AGMO: variants seen among roughly 807,000 people sequenced by gnomAD.
AGMO encodes the protein alkylglycerol monooxygenase.
In AGMO, 75 loss-of-function variants were observed where a neutral mutation model predicts 60.2. That is an observed-to-expected ratio of 1.25 (90% CI 1.03 to 1.51). AGMO has a LOEUF of 1.51. AGMO is among the 40% of genes most tolerant of loss of function. The probability of loss-of-function intolerance (pLI) is 0.00; values close to 1 mark genes in which losing one functional copy is unlikely to be tolerated. For missense variants in AGMO, 763 were observed against 525.5 expected (o/e 1.45, Z -4.42); for synonymous variants, 261 against 177.1 (o/e 1.47, Z -3.76).
At chr7:15,122,855 C>A in the AGMO span, among the ~76,000 whole-genome samples, 1 of 152,070 alleles carries the variant, frequency 6.6e-6, no homozygotes, top group Non-Finnish European at 1.5e-5. Context: ...TCTGCTTTAA[C>A]AGAGTGGCCA....
At chr7:15,547,680 C>T (rs1306013639) in intron 2 of AGMO, among the ~76,000 whole-genome samples, 1 of 152,062 alleles carries the variant, frequency 6.6e-6, no homozygotes, top group Non-Finnish European at 1.5e-5. Context: ...CACGGAGTCT[C>T]GCTGATTGCT....
intron 12 of AGMO, among the ~76,000 whole-genome samples, chr7:15,255,337 G>A (rs1295516714): frequency 6.6e-6 from 1 of 152,142 alleles, no homozygotes. Flanking sequence ...TTCTGCACAT[G>A]TACCCCAGAA....
At chr7:15,427,155 G>C (rs1376548831) in intron 4 of AGMO, among the ~76,000 whole-genome samples, 1 of 152,074 alleles carries the variant, frequency 6.6e-6, no homozygotes, top group African/African-American at 2.4e-5. Flanking sequence ...TAATACTCTA[G>C]GATTCCCAGG....
intron 4 of AGMO, among the ~76,000 whole-genome samples, chr7:15,425,354 C>T (rs1463039036): frequency 6.6e-6 from 1 of 151,504 alleles, no homozygotes; most frequent in Non-Finnish European, 1.5e-5. Flanking sequence ...TACATATTCT[C>T]CATATGATAA....
intron 12 of AGMO, among the ~76,000 whole-genome samples, chr7:15,211,170 G>A (rs1276660919): frequency 6.6e-6 from 1 of 151,878 alleles, no homozygotes; most frequent in African/African-American, 2.4e-5. Flanking sequence ...TTATAAAATG[G>A]GAGTATTAGC....
intron 12 of AGMO, among the ~76,000 whole-genome samples, chr7:15,279,104 G>A (rs1285130812): frequency 6.6e-6 from 1 of 152,176 alleles, no homozygotes; most frequent in Admixed American, 6.5e-5. Context: ...CAATGCCTGT[G>A]TACAGTCTTC....
chr7:15,365,203 A>G (rs1348823883), intron 12 of AGMO, among the ~76,000 whole-genome samples: 2 of 151,770 alleles, frequency 1.3e-5, no homozygotes, highest in Admixed American at 6.6e-5. Flanking sequence ...TGTAAAATCA[A>G]TTCTTCCACT....
the AGMO span, among the ~76,000 whole-genome samples, chr7:15,125,687 T>C: frequency 6.6e-6 from 1 of 152,008 alleles, no homozygotes; most frequent in African/African-American, 2.4e-5. Context: ...AGCCAATCGA[T>C]TGGTCCTTAA....
At chr7:15,442,449 T>G (rs1388653830) in intron 3 of AGMO, among the ~76,000 whole-genome samples, 5 of 152,182 alleles carry the variant, frequency 3.3e-5, no homozygotes. Context: ...GAAGGTTTTA[T>G]GTAGGAACAT....
chr7:15,507,980 T>C (rs1437914215), intron 3 of AGMO, among the ~76,000 whole-genome samples: 1 of 152,012 alleles, frequency 6.6e-6, no homozygotes, highest in Non-Finnish European at 1.5e-5. Flanking sequence ...TTTGTCATTG[T>C]TAAAAATGTA....
chr7:15,404,402 A>G (rs1784630603), intron 5 of AGMO, among the ~76,000 whole-genome samples: 1 of 151,928 alleles, frequency 6.6e-6, no homozygotes, highest in African/African-American at 2.4e-5. Context: ...TCTACTTGGA[A>G]AAATGAACAC....
Position 15,549,316 on chromosome 7 carries a change from A to C in AGMO, c.258-4393T>G, listed in dbSNP as rs1275994739. ...GACAGGATCAAATTCACACATAACA[A>C]TATTAACTTTAAATGTAAATGGACT... On this transcript the variant is annotated intron_variant, in intron 2 of 12. Coordinates refer to ENST00000342526, the MANE Select transcript of AGMO (RefSeq NM_001004320.2). Among the ~76,000 whole-genome samples the C allele has an allele frequency of 2.0e-3, 304 of 151,206 alleles. 2 individuals are homozygous for C. The highest frequency in any genetic ancestry group is 7.0e-3 in the African/African-American group (286 of 41,036).
At chr7:15,260,524 C>T (rs943281362) in intron 12 of AGMO, among the ~76,000 whole-genome samples, 3 of 152,088 alleles carry the variant, frequency 2.0e-5, no homozygotes, top group African/African-American at 7.2e-5. Flanking sequence ...AAAACCATTA[C>T]TACTAGACCT....
At chr7:15,531,033 A>G (rs796380002) in intron 3 of AGMO, among the ~76,000 whole-genome samples, 8 of 86,120 alleles carry the variant, frequency 9.3e-5, no homozygotes, top group Non-Finnish European at 4.1e-5. Context: ...TATTCCATAT[A>G]TATTCTATAT....
intron 3 of AGMO, among the ~76,000 whole-genome samples, chr7:15,540,335 T>C (rs1286924438): frequency 6.6e-6 from 1 of 152,114 alleles, no homozygotes; most frequent in Non-Finnish European, 1.5e-5. Context: ...AGTTTTTTGG[T>C]GTGGCCCCCT....
chr7:15,262,949 AAT>A (rs2128510220), intron 12 of AGMO, among the ~76,000 whole-genome samples: 1 of 152,258 alleles, frequency 6.6e-6, no homozygotes, highest in South Asian at 2.1e-4. Context: ...CAAAGACTTA[AAT>A]ATAAGACCTG....
intron 3 of AGMO, among the ~76,000 whole-genome samples, chr7:15,454,109 ATACTAGGT>A (rs1364526221): frequency 2.0e-5 from 3 of 151,244 alleles, no homozygotes; most frequent in Non-Finnish European, 2.9e-5. Context: ...CCTCAGCCAC[ATACTAGGT>A]ATACATAAAT....
chr7:15,248,245 C>A (rs1782825747), intron 12 of AGMO, among the ~76,000 whole-genome samples: 1 of 99,856 alleles, frequency 1.0e-5, no homozygotes, highest in Non-Finnish European at 2.0e-5. Flanking sequence ...CAATTCTAGT[C>A]TAAAAATAAT....
the AGMO span, among the ~76,000 whole-genome samples, chr7:15,165,987 A>G: frequency 1.3e-5 from 2 of 152,160 alleles, no homozygotes; most frequent in African/African-American, 4.8e-5. Flanking sequence ...AATCTTACTT[A>G]TATCATTCAT....
Sources: gnomAD v4.1 joint callset for allele counts (sites outside exome capture counted in the v4.1 genomes callset) on GRCh38, gnomAD v4.1.1 for gene constraint, MANE v1.5 for transcripts, NCBI Gene and HGNC (gene_info 2026-07-23, HGNC 2026-07-21) for gene names.